SLC4A4: variants seen among roughly 807,000 people sequenced by gnomAD.
SLC4A4 encodes the protein solute carrier family 4 member 4.
In SLC4A4, 27 loss-of-function variants were observed where a neutral mutation model predicts 111.5. That is an observed-to-expected ratio of 0.24 (90% CI 0.18 to 0.33). The LOEUF (loss-of-function observed/expected upper bound fraction) is 0.33, where lower values mean the gene tolerates loss of function less well. SLC4A4 is among the 10% of genes least tolerant of loss of function. SLC4A4 has a pLI of 1.00. For synonymous variants in SLC4A4, 443 were observed against 463.4 expected (o/e 0.96, Z 0.57); for missense variants, 909 against 1,315.5 (o/e 0.69, Z 4.78).
intron 7 of SLC4A4, among the ~76,000 whole-genome samples, chr4:71,423,688 A>G (rs1399765115): frequency 1.3e-4 from 20 of 152,220 alleles, no homozygotes; most frequent in Admixed American, 6.5e-5. Context: ...ATAACGCCGC[A>G]TATCTACAAC....
At chr4:71,080,740 C>T (rs1741972716) in intron 1 of SLC4A4, among the ~76,000 whole-genome samples, 1 of 152,008 alleles carries the variant, frequency 6.6e-6, no homozygotes, top group Admixed American at 6.5e-5. Flanking sequence ...CTGCCCAGCT[C>T]CTCCTCATTT....
At chr4:71,360,769 C>T (rs1357642569) in intron 6 of SLC4A4, among the ~76,000 whole-genome samples, 1 of 152,022 alleles carries the variant, frequency 6.6e-6, no homozygotes, top group African/African-American at 2.4e-5. Context: ...ATTTACAATA[C>T]AATATTGTAT....
At chr4:71,141,413 T>C (rs16845890) in intron 2 of SLC4A4, among the ~76,000 whole-genome samples, 1,539 of 152,318 alleles carry the variant, frequency 0.01, 27 homozygotes, top group African/African-American at 0.035. Flanking sequence ...CCCTCATTCA[T>C]GCTGCTCCAG....
At chr4:71,511,157 A>G (rs886543698) in intron 16 of SLC4A4, among the ~76,000 whole-genome samples, 3 of 152,104 alleles carry the variant, frequency 2.0e-5, no homozygotes, top group African/African-American at 7.2e-5. Flanking sequence ...ACACCTTACA[A>G]TTACAGTATT....
chr4:71,342,704 T>C (rs1728990418), intron 4 of SLC4A4, among the ~76,000 whole-genome samples: 1 of 152,204 alleles, frequency 6.6e-6, no homozygotes, highest in Non-Finnish European at 1.5e-5. Flanking sequence ...CATACGTTAT[T>C]TTACATAATT....
intron 2 of SLC4A4, among the ~76,000 whole-genome samples, chr4:71,148,088 C>T (rs138110693): frequency 6.6e-6 from 1 of 152,286 alleles, no homozygotes; most frequent in Non-Finnish European, 1.5e-5. Flanking sequence ...CTTACAACTG[C>T]AAGGGACTTT....
At chr4:71,207,919 C>T (rs993339995) in intron 1 of SLC4A4, among the ~76,000 whole-genome samples, 1 of 152,138 alleles carries the variant, frequency 6.6e-6, no homozygotes, top group Admixed American at 6.5e-5. Context: ...CTCACGTGAT[C>T]CTCCCACCTC....
intron 2 of SLC4A4, among the ~76,000 whole-genome samples, chr4:71,127,389 A>G (rs531480477): frequency 6.6e-6 from 1 of 152,350 alleles, no homozygotes; most frequent in Non-Finnish European, 1.5e-5. Flanking sequence ...AAAGTATAGA[A>G]CATTGCTGAA....
At position 71,330,892 on chromosome 4, in the gene SLC4A4, A is replaced by AAAAC. The variant is rs753863586; in HGVS notation, c.254-8475_254-8472dup. Among the ~76,000 whole-genome samples the AAAAC allele has an allele frequency of 6.0e-3, 916 of 151,664 alleles. 11 individuals are homozygous for AAAAC. Among genetic ancestry groups the AAAAC allele is most frequent in the African/African-American group, 0.02 (804 of 41,178 alleles). On this transcript the variant is annotated intron_variant, in intron 3 of 25. Transcript: ENST00000264485. ...AGAACTCAAACAAATTTACAAGAAA[A>AAAAC]AAACAACCCCATCAAAAAGTGGGCG...
intron 3 of SLC4A4, among the ~76,000 whole-genome samples, chr4:71,312,926 A>C (rs1726327723): frequency 2.7e-5 from 4 of 150,662 alleles, no homozygotes; most frequent in Middle Eastern, 3.4e-3. Flanking sequence ...TGGCCAGGGC[A>C]ATCAGGCAAG....
At chr4:71,241,337 C>A (rs3113800) in intron 2 of SLC4A4, among the ~76,000 whole-genome samples, 139,197 of 152,044 alleles carry the variant, frequency 0.92, 64,497 homozygotes, top group East Asian at 0.99. Context: ...TTCTCCTACT[C>A]TGTTTTTTGA....
At chr4:71,394,125 T>C (rs1719571743) in intron 6 of SLC4A4, among the ~76,000 whole-genome samples, 1 of 152,024 alleles carries the variant, frequency 6.6e-6, no homozygotes, top group South Asian at 2.1e-4. Context: ...TGACGAAGAA[T>C]CCAAAAGCAA....
At chr4:71,113,840 G>T (rs1051258189) in intron 2 of SLC4A4, among the ~76,000 whole-genome samples, 2 of 152,270 alleles carry the variant, frequency 1.3e-5, no homozygotes, top group South Asian at 4.1e-4. Flanking sequence ...AAAAATGCAT[G>T]CTCTATTAGC....
intron 12 of SLC4A4, among the ~76,000 whole-genome samples, chr4:71,455,012 G>A (rs551833198): frequency 6.6e-6 from 1 of 152,274 alleles, no homozygotes; most frequent in South Asian, 2.1e-4. Context: ...GCTAACTTGG[G>A]CTTTCTCACA....
chr4:71,339,511 G>T lies in SLC4A4; in HGVS notation c.389+6G>T, dbSNP rs1184214669. On this transcript the variant is annotated splice_donor_region_variant and intron_variant, in intron 4 of 25. Transcript: ENST00000264485. ...GAGTGGAAGGAAACAGCCAGGTGAGGCATAGCTGACTGTATGTAGTACTGA... is the reference window on the plus strand; with the variant it reads ...GAGTGGAAGGAAACAGCCAGGTGAGTCATAGCTGACTGTATGTAGTACTGA... 4 of 1,612,318 alleles carry T rather than the reference G, an allele frequency of 2.5e-6. No individual in the cohort carries two copies. In the African/African-American group the frequency reaches 4.0e-5, roughly 16 times the overall value.
At chr4:71,401,551 T>G (rs1720365062) in intron 7 of SLC4A4, among the ~76,000 whole-genome samples, 2 of 152,324 alleles carry the variant, frequency 1.3e-5, no homozygotes, top group South Asian at 4.1e-4. Flanking sequence ...TTGCCTTTGA[T>G]TTGCTTTTCC....
chr4:71,330,537 A>C (rs1353005068), intron 3 of SLC4A4, among the ~76,000 whole-genome samples: 1 of 152,208 alleles, frequency 6.6e-6, no homozygotes, highest in Non-Finnish European at 1.5e-5. Context: ...CCATATGTAG[A>C]AAGCTGAAAC....
At chr4:71,423,834 A>G (rs1015983476) in intron 7 of SLC4A4, among the ~76,000 whole-genome samples, 1 of 152,260 alleles carries the variant, frequency 6.6e-6, no homozygotes, top group African/African-American at 2.4e-5. Flanking sequence ...TTATGCAAAA[A>G]TCAATTCAAG....
intron 2 of SLC4A4, among the ~76,000 whole-genome samples, chr4:71,181,211 G>A (rs1056049204): frequency 1.8e-5 from 2 of 112,942 alleles, no homozygotes; most frequent in African/African-American, 6.9e-5. Context: ...ACCAGGGCCT[G>A]TTGTGGGGTG....
Sources: allele counts gnomAD v4.1 joint callset (sites outside exome capture counted in the v4.1 genomes callset), GRCh38; gene constraint gnomAD v4.1.1; transcripts MANE v1.5; gene names NCBI Gene and HGNC (gene_info 2026-07-23, HGNC 2026-07-21).